The following GRID2 variants were observed in gnomAD, a reference collection of about 807,000 sequenced individuals.
The protein encoded by GRID2 is glutamate receptor ionotropic, delta-2.
Under a neutral mutation model 114.8 loss-of-function variants are expected in GRID2, and 33 were observed. That is an observed-to-expected ratio of 0.29 (90% confidence interval 0.22 to 0.38). GRID2 has a LOEUF of 0.38. GRID2 is among the 10% of genes least tolerant of loss of function. The pLI is 1.00. For missense variants in GRID2, 1,184 were observed against 1,257.7 expected, an observed-to-expected ratio of 0.94 and a Z score of 0.89; for synonymous variants, 505 against 449.9, an observed-to-expected ratio of 1.12 and a Z score of -1.55.
chr4:92,893,042 T>C (rs375315978), intron 2 of GRID2, among the ~76,000 whole-genome samples: 3 of 152,208 alleles, frequency 2.0e-5, no homozygotes, highest in East Asian at 3.9e-4. Context: ...CAAAATACTT[T>C]GAAAATCAAT....
intron 2 of GRID2, among the ~76,000 whole-genome samples, chr4:92,841,925 G>C (rs1366227179): frequency 6.6e-6 from 1 of 151,996 alleles, no homozygotes; most frequent in Non-Finnish European, 1.5e-5. Flanking sequence ...GTGAAGACAA[G>C]GTGAAAGTGT....
At chr4:92,386,421 A>G (rs1362141408) in intron 1 of GRID2, among the ~76,000 whole-genome samples, 1 of 151,818 alleles carries the variant, frequency 6.6e-6, no homozygotes, top group Non-Finnish European at 1.5e-5. Context: ...GCTGTTAAAA[A>G]TTAAGCTGTC....
At position 92,616,890 on chromosome 4, in the gene GRID2, G is replaced by C. The variant is rs568164712; in HGVS notation, c.244+26604G>C. On this transcript the variant is annotated intron_variant, in intron 2 of 15. Transcript: ENST00000282020. ...CTGCTAAATCTTTTGTGCATTTTTG[G>C]CAGTCTTTTAAGATGCTTAAACTTG... Among the ~76,000 whole-genome samples the C allele has an allele frequency of 1.4e-4, 21 of 150,538 alleles. No homozygotes were observed. In the East Asian group the frequency reaches 4.2e-3, roughly 30 times the overall value.
intron 5 of GRID2, among the ~76,000 whole-genome samples, chr4:93,210,917 A>G (rs968525361): frequency 3.9e-5 from 6 of 152,070 alleles, no homozygotes; most frequent in African/African-American, 1.4e-4. Flanking sequence ...TGGACAGGAT[A>G]TAGACTACAC....
chr4:92,690,342 A>T (rs986158608), intron 2 of GRID2, among the ~76,000 whole-genome samples: 5 of 152,190 alleles, frequency 3.3e-5, no homozygotes, highest in Non-Finnish European at 5.9e-5. Flanking sequence ...ACATGGGAAC[A>T]GTTGGTAAGT....
At chr4:93,470,976 C>T (rs959361527) in intron 11 of GRID2, among the ~76,000 whole-genome samples, 5 of 151,656 alleles carry the variant, frequency 3.3e-5, no homozygotes, top group Non-Finnish European at 5.9e-5. Context: ...GTTTGTTAGA[C>T]GTGCATTTTT....
chr4:92,311,107 A>G (rs1293576060), intron 1 of GRID2, among the ~76,000 whole-genome samples: 1 of 152,034 alleles, frequency 6.6e-6, no homozygotes, highest in Admixed American at 6.6e-5. Context: ...CATCACTCCT[A>G]TAGAACACTG....
chr4:92,991,037 A>T (rs1176181381), intron 2 of GRID2, among the ~76,000 whole-genome samples: 3 of 151,846 alleles, frequency 2.0e-5, no homozygotes, highest in Non-Finnish European at 2.9e-5. Context: ...ATTACACTAA[A>T]CTCTTTATAT....
intron 14 of GRID2, among the ~76,000 whole-genome samples, chr4:93,747,032 A>G (rs1273223099): frequency 6.6e-6 from 1 of 151,998 alleles, no homozygotes; most frequent in Non-Finnish European, 1.5e-5. Flanking sequence ...AGCAAAATTT[A>G]TGTTTTAGTG....
At chr4:92,571,974 CT>C (rs1249142067) in intron 1 of GRID2, among the ~76,000 whole-genome samples, 2 of 152,014 alleles carry the variant, frequency 1.3e-5, no homozygotes, top group Non-Finnish European at 2.9e-5. Flanking sequence ...ATTAAAAGAA[CT>C]AGAGAAGCAA....
At chr4:93,299,109 A>G (rs2149163843) in intron 8 of GRID2, among the ~76,000 whole-genome samples, 1 of 152,312 alleles carries the variant, frequency 6.6e-6, no homozygotes, top group Admixed American at 6.5e-5. Context: ...ATGTAATCCT[A>G]CAGGGAACTC....
intron 1 of GRID2, among the ~76,000 whole-genome samples, chr4:92,486,165 T>TA (rs982087528): frequency 1.3e-5 from 2 of 150,872 alleles, no homozygotes; most frequent in South Asian, 2.1e-4. Flanking sequence ...ATAAATAAAA[T>TA]AAAAAAATAT....
chr4:92,791,887 A>T (rs544621666), intron 2 of GRID2, among the ~76,000 whole-genome samples: 1 of 152,014 alleles, frequency 6.6e-6, no homozygotes, highest in South Asian at 2.1e-4. Flanking sequence ...TTTAACAGGA[A>T]TTTAAGAGGT....
intron 1 of GRID2, among the ~76,000 whole-genome samples, chr4:92,368,974 G>T (rs1728995840): frequency 6.6e-6 from 1 of 151,176 alleles, no homozygotes; most frequent in Non-Finnish European, 1.5e-5. Context: ...TAGGTAACAG[G>T]ATTTCAAAAG....
intron 1 of GRID2, among the ~76,000 whole-genome samples, chr4:92,451,600 T>G (rs1485675011): frequency 6.6e-6 from 1 of 152,148 alleles, no homozygotes; most frequent in Non-Finnish European, 1.5e-5. Context: ...AAACTCATAA[T>G]AGAAGTAGAA....
At chr4:92,477,656 T>C (rs867696527) in intron 1 of GRID2, among the ~76,000 whole-genome samples, 26 of 151,020 alleles carry the variant, frequency 1.7e-4, no homozygotes, top group Admixed American at 2.6e-4. Flanking sequence ...TTAATATATA[T>C]ATATTTTAAA....
chr4:93,273,026 C>T (rs1488472643), intron 8 of GRID2, among the ~76,000 whole-genome samples: 2 of 152,160 alleles, frequency 1.3e-5, no homozygotes, highest in Non-Finnish European at 2.9e-5. Flanking sequence ...GCCTTTGCAC[C>T]ATCATCCTGT....
chr4:93,717,451 A>C (rs898687616), intron 14 of GRID2, among the ~76,000 whole-genome samples: 12 of 152,036 alleles, frequency 7.9e-5, no homozygotes, highest in Admixed American at 6.6e-4. Context: ...ATTGAAACTA[A>C]ACACTTCAGA....
intron 2 of GRID2, among the ~76,000 whole-genome samples, chr4:92,708,984 T>C (rs1735082929): frequency 6.6e-6 from 1 of 152,122 alleles, no homozygotes; most frequent in African/African-American, 2.4e-5. Flanking sequence ...TAGAATGTGA[T>C]GTTTGGTGCT....
Sources: gnomAD v4.1 joint callset for allele counts (sites outside exome capture counted in the v4.1 genomes callset) on GRCh38, gnomAD v4.1.1 for gene constraint, MANE v1.5 for transcripts, NCBI Gene and HGNC (gene_info 2026-07-23, HGNC 2026-07-21) for gene names.